Variants in RNF8 observed in about 807,000 individuals in gnomAD.
RNF8 encodes ring finger protein 8, also known as E3 ubiquitin-protein ligase RNF8.
In RNF8, 8 loss-of-function variants were observed where a neutral mutation model predicts 59.3. The observed-to-expected ratio is 0.13, with a 90% CI of 0.08 to 0.24. RNF8 has a LOEUF of 0.24. RNF8 is among the 10% of genes least tolerant of loss of function. The pLI, the probability that RNF8 is intolerant of heterozygous loss-of-function variation, is 1.00. For synonymous variants in RNF8, 162 were observed against 200.0 expected, an observed-to-expected ratio of 0.81 and a Z score of 1.60; for missense variants, 406 against 572.6, an observed-to-expected ratio of 0.71 and a Z score of 2.97.
At position 37,360,160 on chromosome 6, in the gene RNF8, A is replaced by C. The variant is rs573623013; in HGVS notation, c.112-286A>C. On this transcript the variant is annotated intron_variant, in intron 1 of 7. Transcript: ENST00000373479. This position sits in a 1 kb window ranked among gnomAD's most constrained non-coding sequence, Gnocchi z 4.2. ...TGGGATGTGTAGAAAGAATTCCTCTATCTCATAGTCATTGAACCAGATGAC... is the reference window on the plus strand; with the variant it reads ...TGGGATGTGTAGAAAGAATTCCTCTCTCTCATAGTCATTGAACCAGATGAC... Among the ~76,000 whole-genome samples the C allele has an allele frequency of 6.6e-6, 1 of 152,200 alleles. No homozygotes were observed. The highest frequency in any genetic ancestry group is 2.4e-5 in the African/African-American group (1 of 41,460).
intron 1 of RNF8, among the ~76,000 whole-genome samples, chr6:37,355,427 G>C (rs926764500): frequency 1.3e-5 from 2 of 152,148 alleles, no homozygotes; most frequent in African/African-American, 4.8e-5. Flanking sequence ...AACATTGTTT[G>C]GTGTACAATG....
rs765595793 is a variant in RNF8 at position 37,377,041 on chromosome 6, T to A, written c.1236+8T>A. The A allele has an allele frequency of 7.6e-7, 1 of 1,314,524 alleles. No homozygotes were observed. The highest frequency in any genetic ancestry group is 1.1e-6 in the Non-Finnish European group (1 of 914,124). 81.4% of individuals were successfully genotyped at this position (1,314,524 alleles called of 1,614,324 possible). ...TCAGAATACTTCATTGAGGTAATTA[T>A]GAACAGTTGCTCACCCCTTCTTTTT... On this transcript the variant is annotated splice_region_variant and intron_variant, in intron 6 of 7. Coordinates refer to ENST00000373479, the MANE Select transcript of RNF8 (RefSeq NM_003958.4).
chr6:37,374,581 G>A (rs1292230917), intron 4 of RNF8, 39 bp from the exon 5 acceptor site: 2 of 1,434,326 alleles, frequency 1.4e-6, no homozygotes, highest in Admixed American at 1.7e-5. Context: ...AGGATGCATT[G>A]TAGTTCATCC....
chr6:37,363,926 TC>T (rs1258727733), intron 2 of RNF8, among the ~76,000 whole-genome samples: 1 of 152,156 alleles, frequency 6.6e-6, no homozygotes, highest in Non-Finnish European at 1.5e-5. Flanking sequence ...ACGCCTGTAA[TC>T]CCAGCACTTT....
intron 7 of RNF8, among the ~76,000 whole-genome samples, 183 bp from the exon 8 acceptor site, chr6:37,390,559 C>T (rs1395856621): frequency 6.6e-6 from 1 of 152,074 alleles, no homozygotes; most frequent in East Asian, 1.9e-4. Context: ...TTGACTTTAA[C>T]TCACTGTGAG....
At chr6:37,389,811 G>T (rs957969247) in intron 7 of RNF8, among the ~76,000 whole-genome samples, 3 of 152,144 alleles carry the variant, frequency 2.0e-5, no homozygotes, top group Non-Finnish European at 4.4e-5. Context: ...AAGAGGGAGG[G>T]AACCCTACTT....
intron 7 of RNF8, among the ~76,000 whole-genome samples, chr6:37,385,395 A>T (rs1189630281): frequency 1.3e-5 from 2 of 150,774 alleles, no homozygotes; most frequent in Non-Finnish European, 3.0e-5. Flanking sequence ...TGGGAGGCTG[A>T]GGGGGCGTGG....
chr6:37,377,041 T>G lies in RNF8; in HGVS notation c.1236+8T>G. The G allele has an allele frequency of 6.1e-6, 8 of 1,314,512 alleles. No individual in the cohort carries two copies. The highest frequency in any genetic ancestry group is 7.7e-6 in the Non-Finnish European group (7 of 914,112). 81.4% of individuals were successfully genotyped at this position (1,314,512 alleles called of 1,614,324 possible). On this transcript the variant is annotated splice_region_variant and intron_variant, in intron 6 of 7. Transcript: ENST00000373479. Reference sequence around the variant, plus strand: ...TCAGAATACTTCATTGAGGTAATTATGAACAGTTGCTCACCCCTTCTTTTT... The same window carrying G: ...TCAGAATACTTCATTGAGGTAATTAGGAACAGTTGCTCACCCCTTCTTTTT...
intron 6 of RNF8, among the ~76,000 whole-genome samples, chr6:37,380,467 G>A (rs929609065): frequency 1.3e-5 from 2 of 151,932 alleles, no homozygotes; most frequent in Admixed American, 1.3e-4. Context: ...TCAGGAGATC[G>A]AGACCATCCT....
intron 2 of RNF8, among the ~76,000 whole-genome samples, chr6:37,365,824 A>G (rs1372930791): frequency 6.6e-6 from 1 of 152,182 alleles, no homozygotes; most frequent in Non-Finnish European, 1.5e-5. Flanking sequence ...AAGCCATTGT[A>G]TTTGAGATCA....
intron 4 of RNF8, among the ~76,000 whole-genome samples, 166 bp downstream of exon 4, chr6:37,371,740 G>A (rs1384797888): frequency 6.6e-6 from 1 of 152,160 alleles, no homozygotes; most frequent in African/African-American, 2.4e-5. Context: ...CAGAGATTTG[G>A]AGCCTTACAA....
At chr6:37,354,914 A>G (rs1769056871) in intron 1 of RNF8, among the ~76,000 whole-genome samples, 2 of 152,230 alleles carry the variant, frequency 1.3e-5, no homozygotes, top group Admixed American at 1.3e-4. Flanking sequence ...ACTTTCACGT[A>G]GAAATGTCTT....
rs1319622502 is a variant in RNF8, at chr6:37,368,636, A to G, written c.393A>G (p.Thr131=). 1 of 1,614,200 alleles carries G rather than the reference A, an allele frequency of 6.2e-7. No individual in the cohort carries two copies. Among genetic ancestry groups the G allele is most frequent in the Non-Finnish European group, 8.5e-7 (1 of 1,180,028 alleles). Residue 131 remains threonine (T), a synonymous_variant, in exon 3 of 8, where the codon ACA becomes ACG. Transcript: ENST00000373479. ...EYEVTEEDWE[T]IYPCLSPKND... ...AAGTTACTGAAGAAGACTGGGAGAC[A>G]ATATATCCTTGTCTTTCCCCAAAGA...
At chr6:37,364,431 C>A (rs1452057853) in intron 2 of RNF8, among the ~76,000 whole-genome samples, 1 of 152,230 alleles carries the variant, frequency 6.6e-6, no homozygotes, top group Admixed American at 6.5e-5. Flanking sequence ...CATTTTGTGA[C>A]TGTTCATCGA....
Position 37,355,741 on chromosome 6 carries a change from G to T in RNF8, c.111+1466G>T, listed in dbSNP as rs557125265. Among the ~76,000 whole-genome samples, 3 of 152,252 alleles carry T rather than the reference G, an allele frequency of 2.0e-5. No individual in the cohort carries two copies. In the South Asian group the frequency reaches 6.2e-4, roughly 32 times the overall value. On this transcript the variant is annotated intron_variant, in intron 1 of 7. Transcript: ENST00000373479. ...ATACCTCTTCTATCCAGGTATTAGT[G>T]CCTAAAAGTCCACATTAAGCATTCA...
At chr6:37,359,512 G>T (rs1313707103) in intron 1 of RNF8, among the ~76,000 whole-genome samples, 1 of 152,158 alleles carries the variant, frequency 6.6e-6, no homozygotes, top group Non-Finnish European at 1.5e-5. Context: ...AATTCAGAAA[G>T]GTCTTGACAA....
At chr6:37,356,726 A>G (rs1035131265) in intron 1 of RNF8, among the ~76,000 whole-genome samples, 2 of 152,058 alleles carry the variant, frequency 1.3e-5, no homozygotes, top group African/African-American at 4.8e-5. Context: ...GGATGGTTAT[A>G]TTTACTGGTT....
In RNF8 at chr6:37,369,097, T is replaced by C. The variant is rs376274714; in HGVS notation, c.854T>C (p.Val285Ala). ...ACCCAAAAGGGGAACTCAAAGAAAG[T>C]TGTGCAAATGGAGCAGGAACTTCAG... ...KQTQKGNSKK[V>A]VQMEQELQDL... Residue 285 changes from valine (V) to alanine (A), a missense_variant, in exon 3 of 8, where the codon GTT (valine) becomes GCT (alanine). This residue lies in a region of RNF8 where 285 missense variants were observed against 342.0 expected (regional missense o/e 0.83). Transcript: ENST00000373479. 1.2e-6 allele frequency: 2 copies of C among 1,614,090 alleles called. No individual in the cohort carries two copies. The highest frequency in any genetic ancestry group is 2.2e-5 in the South Asian group (2 of 91,080).
chr6:37,375,201 G>A (rs1769962014), intron 5 of RNF8, among the ~76,000 whole-genome samples: 1 of 152,206 alleles, frequency 6.6e-6, no homozygotes, highest in African/African-American at 2.4e-5. Flanking sequence ...ACACAGTAGG[G>A]AGCTGTGCGG....
Sources: gnomAD v4.1 joint callset for allele counts (sites outside exome capture counted in the v4.1 genomes callset) on GRCh38, gnomAD v4.1.1 for gene constraint, gnomAD v4.1.1 regional missense constraint, Gnocchi (gnomAD v3.1) non-coding constraint, MANE v1.5 for transcripts, NCBI Gene and HGNC (gene_info 2026-07-23, HGNC 2026-07-21) for gene names.